The following FBXL2 variants were observed in gnomAD, a reference collection of about 807,000 sequenced individuals.
FBXL2 encodes F-box and leucine rich repeat protein 2.
In FBXL2, 38 loss-of-function variants were observed where a neutral mutation model predicts 69.2. That is an observed-to-expected ratio of 0.55 (90% CI 0.42 to 0.72). The LOEUF (loss-of-function observed/expected upper bound fraction) is 0.72. Among genes scored for constraint, FBXL2 ranks in the 30% least tolerant of loss-of-function variants. FBXL2 has a pLI of 0.00. For missense variants in FBXL2, 354 were observed against 520.3 expected, an observed-to-expected ratio of 0.68 and a Z score of 3.11; for synonymous variants, 192 against 201.3, an observed-to-expected ratio of 0.95 and a Z score of 0.39.
the FBXL2 span, among the ~76,000 whole-genome samples, chr3:33,414,460 A>T: frequency 6.6e-6 from 1 of 152,176 alleles, no homozygotes; most frequent in East Asian, 1.9e-4. Flanking sequence ...CGAAAACAGA[A>T]CAATCAGAGA....
intron 14 of FBXL2, among the ~76,000 whole-genome samples, chr3:33,385,178 G>A (rs768278043): frequency 6.6e-6 from 1 of 152,144 alleles, no homozygotes; most frequent in Non-Finnish European, 1.5e-5. Flanking sequence ...TCTTGATTAT[G>A]CTTTAAGTTT....
intron 12 of FBXL2, among the ~76,000 whole-genome samples, chr3:33,394,348 G>A (rs2043884262): frequency 6.6e-6 from 1 of 151,924 alleles, no homozygotes. Flanking sequence ...GCCCAGTTAA[G>A]CATTATAGTT....
chr3:33,382,845 C>T (rs2154051820), intron 13 of FBXL2: 1 of 152,346 alleles, frequency 6.6e-6, no homozygotes, highest in Middle Eastern at 3.4e-3. Flanking sequence ...CTTTACATAA[C>T]CTACACAACT....
chr3:33,316,605 C>T (rs1445929474), intron 2 of FBXL2, among the ~76,000 whole-genome samples: 1 of 152,124 alleles, frequency 6.6e-6, no homozygotes, highest in Non-Finnish European at 1.5e-5. Context: ...GGTATATTAG[C>T]TGTTTTGGGA....
chr3:33,365,843 T>A (rs1474394991), intron 5 of FBXL2, among the ~76,000 whole-genome samples: 1 of 152,246 alleles, frequency 6.6e-6, no homozygotes, highest in East Asian at 1.9e-4. Flanking sequence ...GTATTGCTTA[T>A]GAGTTTGGCT....
rs76142927 is a variant in FBXL2 at position 33,394,817 on chromosome 3, G to GTTTT, written n.1215-8400_1215-8397dup. Among the ~76,000 whole-genome samples the GTTTT allele has an allele frequency of 3.9e-3, 429 of 110,404 alleles. 2 individuals carry two copies. The highest frequency in any genetic ancestry group is 0.029 in the Middle Eastern group (6 of 210). 72.4% of individuals were successfully genotyped at this position (110,404 alleles called of 152,430 possible). ...ATGGGCCAATTCCTGCCCTCCACTT[G>GTTTT]TTTTTTTTTTTTTTTTTTTTAAATA... On this transcript the variant is annotated intron_variant and non_coding_transcript_variant, in intron 12 of 12. Coordinates refer to the FBXL2 transcript ENST00000463736.
chr3:33,406,918 T>C (rs1215064773), downstream of FBXL2, among the ~76,000 whole-genome samples: 5 of 152,338 alleles, frequency 3.3e-5, no homozygotes, highest in East Asian at 9.6e-4. Context: ...CCAACAGTAG[T>C]GACTATTCAG....
chr3:33,282,574 T>G (rs2034147078), intron 1 of FBXL2, among the ~76,000 whole-genome samples: 1 of 152,214 alleles, frequency 6.6e-6, no homozygotes, highest in South Asian at 2.1e-4. Context: ...TTTTTTCCAA[T>G]TCTGTGAAGA....
At chr3:33,317,676 A>G (rs1258004979) in intron 2 of FBXL2, 2 of 347,678 alleles carry the variant, frequency 5.8e-6, no homozygotes, top group East Asian at 7.6e-5. Context: ...CTCCCTTACC[A>G]TTGGTCTTGG....
chr3:33,374,906 CAGTT>C (rs1380984241), intron 9 of FBXL2, among the ~76,000 whole-genome samples: 2 of 152,142 alleles, frequency 1.3e-5, no homozygotes, highest in African/African-American at 4.8e-5. Context: ...ATATTAATGT[CAGTT>C]AAACTAGGAA....
At chr3:33,300,880 T>G (rs1376566358) in intron 2 of FBXL2, among the ~76,000 whole-genome samples, 1 of 151,922 alleles carries the variant, frequency 6.6e-6, no homozygotes, top group African/African-American at 2.4e-5. Context: ...AGCTAATTTT[T>G]TTTTTTTTGT....
At chr3:33,325,281 ATTTC>A in intron 2 of FBXL2, among the ~76,000 whole-genome samples, 1 of 152,120 alleles carries the variant, frequency 6.6e-6, no homozygotes, top group East Asian at 1.9e-4. Flanking sequence ...AATACCCTTT[ATTTC>A]TTTCTCTTGC....
At chr3:33,308,371 C>T (rs1265519938) in intron 2 of FBXL2, among the ~76,000 whole-genome samples, 1 of 152,138 alleles carries the variant, frequency 6.6e-6, no homozygotes, top group Admixed American at 6.6e-5. Context: ...TATTTCTAGG[C>T]ATTTTCAGTA....
intron 2 of FBXL2, among the ~76,000 whole-genome samples, chr3:33,317,219 C>A (rs1461496394): frequency 1.3e-5 from 2 of 152,084 alleles, no homozygotes; most frequent in Non-Finnish European, 2.9e-5. Flanking sequence ...TTTTTCATCA[C>A]CCCCCAAAGT....
intron 2 of FBXL2, among the ~76,000 whole-genome samples, chr3:33,327,429 C>T (rs915024502): frequency 6.6e-6 from 1 of 152,008 alleles, no homozygotes; most frequent in Non-Finnish European, 1.5e-5. Context: ...CTATAATCCA[C>T]CCCCAAAAAT....
chr3:33,293,100 C>G (rs1035968341), intron 1 of FBXL2, among the ~76,000 whole-genome samples: 2 of 152,174 alleles, frequency 1.3e-5, no homozygotes, highest in Non-Finnish European at 2.9e-5. Context: ...AAGCAGTCCT[C>G]CCACCTTGGC....
rs1398735502 is a variant in FBXL2 at position 33,384,049 on chromosome 3, T to C, written c.1012T>C (p.Cys338Arg). 6.2e-7 allele frequency: 1 copy of C among 1,614,170 alleles called. No homozygotes were observed. ...DGILHLSNST[C>R]GHERLRVLEL... The stretch of plus-strand genomic sequence containing the variant: ...GATCCTGCACCTGAGCAACAGTACC[T>C]GTGGCCATGAGAGGCTGCGGGTACT... The change falls in exon 14 of 15, where the codon TGT becomes CGT. Residue 338 changes from cysteine (C) to arginine (R), a missense_variant. Coordinates refer to ENST00000484457, the MANE Select transcript of FBXL2 (RefSeq NM_012157.5).
At chr3:33,278,038 C>T (rs113670209) in intron 1 of FBXL2, 2,189 of 152,294 alleles carry the variant, frequency 0.014, 21 homozygotes, top group South Asian at 0.036. Context: ...ATTTTAGAGA[C>T]CCCTCCCCTC....
At chr3:33,287,243 T>C (rs2034735215) in intron 1 of FBXL2, among the ~76,000 whole-genome samples, 1 of 152,164 alleles carries the variant, frequency 6.6e-6, no homozygotes, top group African/African-American at 2.4e-5. Context: ...TTATATGAGA[T>C]CTATGTTAAT....
Sources: allele counts gnomAD v4.1 joint callset (sites outside exome capture counted in the v4.1 genomes callset), GRCh38; gene constraint gnomAD v4.1.1; transcripts MANE v1.5; gene names NCBI Gene and HGNC (gene_info 2026-07-23, HGNC 2026-07-21).